Variants in COL2A1 observed in about 807,000 individuals in gnomAD.
The protein encoded by COL2A1 is collagen type II alpha 1 chain, also known as collagen alpha-1(II) chain.
In COL2A1, 28 loss-of-function variants were observed where a neutral mutation model predicts 204.5. The ratio of observed to expected loss-of-function variants is 0.14; its 90% CI spans 0.10 to 0.19. The LOEUF (loss-of-function observed/expected upper bound fraction) is 0.19. Ranked by LOEUF, COL2A1 falls within the 10% of genes least tolerant of loss-of-function variation. COL2A1 has a pLI of 1.00. For synonymous variants in COL2A1, 708 were observed against 718.7 expected (o/e 0.99, Z 0.24); for missense variants, 1,388 against 2,027.5 (o/e 0.68, Z 6.06).
At chr12:47,984,486 T>A (rs1939275151) in intron 28 of COL2A1, 60 bp downstream of exon 28, 1 of 1,549,666 alleles carries the variant, frequency 6.5e-7, no homozygotes. Flanking sequence ...GCCGTTCCCC[T>A]GTCCTCCCTG....
At chr12:47,986,258 A>G (rs927636324) in intron 23 of COL2A1, 78 bp downstream of exon 23, 49 of 1,003,340 alleles carry the variant, frequency 4.9e-5, no homozygotes, top group Non-Finnish European at 7.0e-5. Context: ...AGACTTGACC[A>G]GAACACGGAC....
At position 47,975,463 on chromosome 12, in the gene COL2A1, C is replaced by T; in HGVS notation, c.3740G>A (p.Gly1247Asp). 2 of 1,614,070 alleles carry T rather than the reference C, an allele frequency of 1.2e-6. No homozygotes were observed. ...QYMRADQAAG[G>D]LRQHDAEVDA... ...CACCTCGGCGTCATGCTGTCTCAGG[C>T]CACCGGCTGCCTGGTCGGCCCGCAT... The change falls in exon 51 of 54, where the codon GGC becomes GAC. Residue 1247 changes from glycine to aspartate, a missense_variant. Physicochemically the swap from Gly to Asp is moderately conservative, Grantham distance 94. This residue lies in a region of COL2A1 where 303 missense variants were observed against 369.2 expected (regional missense o/e 0.82). Coordinates refer to ENST00000380518, the MANE Select transcript of COL2A1 (RefSeq NM_001844.5).
At chr12:47,983,843 T>G (rs1939236184) in intron 29 of COL2A1, 107 bp from the exon 30 acceptor site, 1 of 1,189,310 alleles carries the variant, frequency 8.4e-7, no homozygotes, top group Non-Finnish European at 1.2e-6. Flanking sequence ...ACAGGCGTCT[T>G]CCTGCACCAC....
chr12:47,980,468 C>G lies in COL2A1; in HGVS notation c.2625+86G>C. 8.0e-7 allele frequency: 1 copy of G among 1,246,624 alleles called. No homozygotes were observed. Among genetic ancestry groups the G allele is most frequent in the South Asian group, 1.3e-5 (1 of 78,156 alleles). 77.2% of individuals were successfully genotyped at this position (1,246,624 alleles called of 1,614,324 possible). A position where few individuals can be genotyped will look rare whatever the true frequency, so the allele number is the denominator to read the frequency against. ...GGTGTTCCCAGGCCTGCGAACCATC[C>G]TCTGCGCAGCCTGCTGGGGCCTTCC... is the stretch of plus-strand genomic sequence containing the variant. On this transcript the variant is annotated intron_variant, in intron 39 of 53. Transcript: ENST00000380518. The surrounding 1 kb of genome is among the most constrained non-coding windows in gnomAD (Gnocchi z 4.5).
Position 47,976,331 on chromosome 12 carries a change from C to T in COL2A1, c.3489+183G>A, listed in dbSNP as rs373342819. Reference sequence around the variant, plus strand: ...GAGAGGCTGATTCATGTTTGTCTTACAGCCATTGTGGCCTCAGGCGCTTTT... The same window carrying T: ...GAGAGGCTGATTCATGTTTGTCTTATAGCCATTGTGGCCTCAGGCGCTTTT... On this transcript the variant is annotated intron_variant, in intron 49 of 53. Coordinates refer to ENST00000380518, the MANE Select transcript of COL2A1 (RefSeq NM_001844.5). This position sits in a 1 kb window ranked among gnomAD's most constrained non-coding sequence, Gnocchi z 4.3. 1.2e-4 allele frequency among the ~76,000 whole-genome samples: 19 copies of T among 152,350 alleles called. No individual in the cohort carries two copies. The East Asian group carries it at 2.9e-3, about 23-fold the overall frequency.
chr12:48,004,032 A>C, intron 1 of COL2A1: 1 of 584,042 alleles, frequency 1.7e-6, no homozygotes, highest in Non-Finnish European at 3.1e-6. Flanking sequence ...TGCGATGGGC[A>C]CCGAGGACCC....
intron 14 of COL2A1, 96 bp downstream of exon 14, chr12:47,993,713 T>C: frequency 7.1e-7 from 1 of 1,409,178 alleles, no homozygotes; most frequent in African/African-American, 1.4e-5. Flanking sequence ...TCTGAGGAGC[T>C]AGTTCCACTG....
chr12:48,004,938 C>A (rs868049226), upstream of COL2A1, among the ~76,000 whole-genome samples: 5 of 152,286 alleles, frequency 3.3e-5, no homozygotes, highest in East Asian at 5.8e-4. Flanking sequence ...GAGGGGGCAC[C>A]GCGTCAGGCG....
chr12:47,973,959 C>T, intron 53 of COL2A1, 130 bp downstream of exon 53: 11 of 1,313,010 alleles, frequency 8.4e-6, no homozygotes, highest in South Asian at 1.2e-5. Flanking sequence ...ATCTTCTCTA[C>T]ATGACCCTCA....
At chr12:47,983,508 A>G in intron 30 of COL2A1, 70 bp from the exon 31 acceptor site, 18 of 1,536,292 alleles carry the variant, frequency 1.2e-5, no homozygotes, top group Non-Finnish European at 1.4e-5. Flanking sequence ...GAGGCACAGT[A>G]TAGGGCAGAC....
chr12:47,999,634 A>ATTTTTTTTTTTTTTTTTTTTTTT (rs10708850), intron 2 of COL2A1: 1 of 154,296 alleles, frequency 6.5e-6, no homozygotes, highest in Non-Finnish European at 1.2e-5. Flanking sequence ...TTCAGAGAGG[A>ATTTTTTTTTTTTTTTTTTTTTTT]TTTTTTTTTT....
At position 47,989,258 on chromosome 12, in the gene COL2A1, A is replaced by G. The variant is rs778214645; in HGVS notation, c.1092T>C (p.Gly364=). Residue 364 remains glycine, a synonymous_variant, in exon 18 of 54, where the codon GGT becomes GGC. Transcript: ENST00000380518. ...GPPGPVGPAG[G]PGFPGAPGAK... is the part of the protein sequence containing the mutation. ...CTCCAGGAGCACCAGGGAAGCCAGG[A>G]CCACCAGCAGGACCGACAGGACCCT... is the stretch of plus-strand genomic sequence containing the variant. 9 of 1,613,008 alleles carry G rather than the reference A, an allele frequency of 5.6e-6. No individual in the cohort carries two copies. In the Admixed American group the frequency reaches 1.3e-4, roughly 24 times the overall value.
intron 1 of COL2A1, among the ~76,000 whole-genome samples, chr12:48,001,480 AG>A (rs1161786458): frequency 6.6e-6 from 1 of 152,150 alleles, no homozygotes; most frequent in African/African-American, 2.4e-5. Context: ...GGTGTGGGAG[AG>A]GGGGCATCGG....
chr12:47,983,789 G>A (rs1939231858), intron 29 of COL2A1, 53 bp from the exon 30 acceptor site: 4 of 1,546,176 alleles, frequency 2.6e-6, no homozygotes. Flanking sequence ...GACCCTGAGA[G>A]CCACAGCTAG....
In COL2A1 at chr12:47,978,061, G is replaced by A. The variant is rs761546956; in HGVS notation, c.3060C>T (p.Gly1020=). Residue 1020 remains glycine, a synonymous_variant, in exon 44 of 54, where the codon GGC becomes GGT. Coordinates refer to ENST00000380518, the MANE Select transcript of COL2A1 (RefSeq NM_001844.5). This position sits in a 1 kb window ranked among gnomAD's most constrained non-coding sequence, Gnocchi z 5.5. ...CCGTCAGGCCAGGAGGACCCACGGG[G>A]CCAGGAGGACCTCTGTCTCCAGATG... is the stretch of plus-strand genomic sequence containing the variant. ...PGASGDRGPP[G]PVGPPGLTGP... The A allele has an allele frequency of 1.9e-6, 3 of 1,613,884 alleles. No homozygotes were observed. The South Asian group carries it at 3.3e-5, about 18-fold the overall frequency.
upstream of COL2A1, among the ~76,000 whole-genome samples, chr12:48,005,067 T>A (rs551254336): frequency 7.9e-5 from 12 of 152,006 alleles, no homozygotes. Flanking sequence ...TTCCCTGCAG[T>A]ACCTGGTCCC....
Position 47,976,384 on chromosome 12 carries a change from G to A in COL2A1, c.3489+130C>T, listed in dbSNP as rs1045276004. 9.7e-7 allele frequency: 1 copy of A among 1,034,554 alleles called. No individual in the cohort carries two copies. Among genetic ancestry groups the A allele is most frequent in the Non-Finnish European group, 1.5e-6 (1 of 664,992 alleles). 64.1% of individuals were successfully genotyped at this position (1,034,554 alleles called of 1,614,324 possible). A position where few individuals can be genotyped will look rare whatever the true frequency, so the allele number is the denominator to read the frequency against. On this transcript the variant is annotated intron_variant, in intron 49 of 53. Transcript: ENST00000380518. The surrounding 1 kb of genome is among the most constrained non-coding windows in gnomAD (Gnocchi z 4.3). The stretch of plus-strand genomic sequence containing the variant: ...GGCCATAGGCACATGAGCCAGTCCT[G>A]CCCCCATTACTGAGTGAGGACCCCT...
chr12:48,002,757 A>C (rs1454233318), intron 1 of COL2A1: 2 of 152,274 alleles, frequency 1.3e-5, no homozygotes, highest in Non-Finnish European at 2.9e-5. Flanking sequence ...AGTCCAGGCC[A>C]CGTATAGTCA....
rs1475784946 is a variant in COL2A1, at chr12:47,984,914, A to G, written c.1833+81T>C. On this transcript the variant is annotated intron_variant, in intron 27 of 53. Coordinates refer to ENST00000380518, the MANE Select transcript of COL2A1 (RefSeq NM_001844.5). ...CACTGTCCCTGGTTAAACTCTACTC[A>G]GGACCCAGCCCTTTCCCCAAGAGGG... The G allele has an allele frequency of 2.5e-6, 3 of 1,216,696 alleles. No individual in the cohort carries two copies. The African/African-American group carries it at 4.5e-5, about 18-fold the overall frequency. The allele number at this position is 1,216,696 out of a possible 1,614,324, so 75.4% of individuals were successfully genotyped here.
Sources: gnomAD v4.1 joint callset for allele counts (sites outside exome capture counted in the v4.1 genomes callset) on GRCh38, gnomAD v4.1.1 for gene constraint, gnomAD v4.1.1 regional missense constraint, Gnocchi (gnomAD v3.1) non-coding constraint, MANE v1.5 for transcripts, NCBI Gene and HGNC (gene_info 2026-07-23, HGNC 2026-07-21) for gene names.